The following TMEFF1 variants were observed in gnomAD, a reference collection of about 807,000 sequenced individuals.
TMEFF1 encodes the protein tomoregulin-1.
A neutral mutation model predicts 47.5 loss-of-function variants in TMEFF1; 20 were observed. The ratio of observed to expected loss-of-function variants is 0.42; its 90% CI spans 0.30 to 0.61. The LOEUF (loss-of-function observed/expected upper bound fraction) is 0.61. TMEFF1 is among the 20% of genes least tolerant of loss of function. The probability of loss-of-function intolerance (pLI) is 0.19; values close to 1 mark genes in which losing one functional copy is unlikely to be tolerated. For missense variants in TMEFF1, 411 were observed against 471.1 expected (o/e 0.87, Z 1.18); for synonymous variants, 162 against 166.3 (o/e 0.97, Z 0.20).
rs879060150 is a variant in TMEFF1 at position 100,572,645 on chromosome 9, A to G, written c.1027A>G (p.Ile343Val). The change falls in exon 9 of 10, where the codon ATC (isoleucine) becomes GTC (valine). Residue 343 changes from isoleucine (I) to valine (V), a missense_variant. By Grantham distance (29) the Ile-to-Val change is conservative (BLOSUM62 3). Coordinates refer to ENST00000374879, the MANE Select transcript of TMEFF1 (RefSeq NM_003692.5). ...AAIIGAVQIA[I>V]IVAIVMCITR... ...AATTATTGGAGCTGTACAGATTGCC[A>G]TCATAGTAGCAATTGTAATGTGCAT... 6.2e-7 allele frequency: 1 copy of G among 1,611,816 alleles called. No individual in the cohort carries two copies. The highest frequency in any genetic ancestry group is 1.1e-5 in the South Asian group (1 of 90,400).
chr9:100,553,740 A>T (rs539852036), intron 7 of TMEFF1, among the ~76,000 whole-genome samples: 1 of 152,228 alleles, frequency 6.6e-6, no homozygotes, highest in African/African-American at 2.4e-5. Context: ...ACAGAATAGT[A>T]TAATAAACCT....
chr9:100,576,408 C>A (rs373468013), intron 9 of TMEFF1, 108 bp from the exon 10 acceptor site: 1 of 1,367,854 alleles, frequency 7.3e-7, no homozygotes, highest in African/African-American at 1.5e-5. Context: ...TAATTGCTTG[C>A]AATGTGGCTT....
intron 8 of TMEFF1, among the ~76,000 whole-genome samples, chr9:100,567,051 A>G (rs1400254212): frequency 2.6e-5 from 4 of 152,142 alleles, no homozygotes; most frequent in Admixed American, 6.5e-5. Flanking sequence ...GTCAGTTCGT[A>G]TCATTCCTCT....
chr9:100,514,467 C>T (rs79858940), intron 4 of TMEFF1, among the ~76,000 whole-genome samples: 1 of 152,072 alleles, frequency 6.6e-6, no homozygotes, highest in African/African-American at 2.4e-5. Flanking sequence ...TGTAGTCTAG[C>T]CCCTGTGGTC....
chr9:100,555,193 A>G lies in TMEFF1; in HGVS notation c.775+5033A>G, dbSNP rs894929032. Among the ~76,000 whole-genome samples, 253 of 151,342 alleles carry G rather than the reference A, an allele frequency of 1.7e-3. 3 individuals are homozygous for G. The East Asian group carries it at 0.041, about 24-fold the overall frequency. On this transcript the variant is annotated intron_variant, in intron 7 of 9. Coordinates refer to ENST00000374879, the MANE Select transcript of TMEFF1 (RefSeq NM_003692.5). Reference sequence around the variant, plus strand: ...CACACACACACACACACACACACACACGCACACACATTGTTGCAGTTGCAA... The same window carrying G: ...CACACACACACACACACACACACACGCGCACACACATTGTTGCAGTTGCAA...
intron 1 of TMEFF1, among the ~76,000 whole-genome samples, chr9:100,491,159 A>C (rs558246917): frequency 6.6e-6 from 1 of 152,064 alleles, no homozygotes; most frequent in Admixed American, 6.5e-5. Flanking sequence ...CTGGTGTGCA[A>C]TATTTCAAAT....
intron 1 of TMEFF1, among the ~76,000 whole-genome samples, chr9:100,485,054 A>G (rs1837423648): frequency 6.6e-6 from 1 of 152,176 alleles, no homozygotes; most frequent in African/African-American, 2.4e-5. Context: ...ATGACCTTTT[A>G]TAATTGGCTT....
At chr9:100,544,804 A>T (rs1190332241) in intron 5 of TMEFF1, among the ~76,000 whole-genome samples, 1 of 152,292 alleles carries the variant, frequency 6.6e-6, no homozygotes, top group Non-Finnish European at 1.5e-5. Flanking sequence ...GAGTACAGGC[A>T]TTGGGTAAGT....
At chr9:100,544,587 A>G (rs900434614) in intron 5 of TMEFF1, among the ~76,000 whole-genome samples, 2 of 152,198 alleles carry the variant, frequency 1.3e-5, no homozygotes, top group Non-Finnish European at 1.5e-5. Flanking sequence ...GCCAAACCAT[A>G]TCATTCCCCT....
chr9:100,541,990 C>G (rs993012323), intron 5 of TMEFF1, among the ~76,000 whole-genome samples: 1 of 152,080 alleles, frequency 6.6e-6, no homozygotes, highest in Non-Finnish European at 1.5e-5. Flanking sequence ...TTTTATCCAG[C>G]CAACTACCTT....
chr9:100,527,179 G>A (rs1838277551), intron 5 of TMEFF1, among the ~76,000 whole-genome samples: 1 of 151,776 alleles, frequency 6.6e-6, no homozygotes. Flanking sequence ...TTGAAAGATT[G>A]GAATGGATGT....
chr9:100,480,015 A>G (rs1022369745), intron 1 of TMEFF1, among the ~76,000 whole-genome samples: 1 of 152,182 alleles, frequency 6.6e-6, no homozygotes, highest in East Asian at 1.9e-4. Flanking sequence ...TTTCTCCAGC[A>G]TCTTCTCCAA....
intron 9 of TMEFF1, among the ~76,000 whole-genome samples, chr9:100,576,312 TC>T (rs1487208708): frequency 1.3e-5 from 2 of 152,156 alleles, no homozygotes; most frequent in Non-Finnish European, 2.9e-5. Flanking sequence ...CCTCTCAACT[TC>T]CAGGTTTGTA....
chr9:100,473,506 G>T lies in TMEFF1; in HGVS notation c.-39G>T. On this transcript the variant is annotated 5_prime_UTR_variant, in exon 1 of 10. Coordinates refer to ENST00000374879, the MANE Select transcript of TMEFF1 (RefSeq NM_003692.5). This position sits in a 1 kb window ranked among gnomAD's most constrained non-coding sequence, Gnocchi z 5.4. ...GCGCGCGGCTGGATGCCCCCGGCCT[G>T]CGGCTCCCTGCGCTTCCCGCCGTCC... 1 of 1,352,152 alleles carries T rather than the reference G, an allele frequency of 7.4e-7. No homozygotes were observed. The highest frequency in any genetic ancestry group is 9.5e-7 in the Non-Finnish European group (1 of 1,055,716). 83.8% of individuals were successfully genotyped at this position (1,352,152 alleles called of 1,614,324 possible).
intron 8 of TMEFF1, among the ~76,000 whole-genome samples, chr9:100,566,339 T>G (rs543914885): frequency 6.6e-6 from 1 of 152,302 alleles, no homozygotes; most frequent in South Asian, 2.1e-4. Context: ...ATATGCCTCC[T>G]TTACATTTCC....
At chr9:100,548,107 TTTAG>T (rs1363184146) in intron 6 of TMEFF1, among the ~76,000 whole-genome samples, 7 of 152,122 alleles carry the variant, frequency 4.6e-5, no homozygotes, top group Admixed American at 2.6e-4. Context: ...TGGTTTTTTA[TTTAG>T]TTAGTTCTTG....
chr9:100,482,198 T>C (rs1321413627), intron 1 of TMEFF1, among the ~76,000 whole-genome samples: 2 of 151,620 alleles, frequency 1.3e-5, no homozygotes, highest in Non-Finnish European at 1.5e-5. Flanking sequence ...TTTCTTTCTT[T>C]CTTTTCTTTT....
chr9:100,545,447 G>C (rs1838715634), intron 5 of TMEFF1, among the ~76,000 whole-genome samples: 1 of 152,172 alleles, frequency 6.6e-6, no homozygotes, highest in African/African-American at 2.4e-5. Context: ...GAGCAGCTGA[G>C]ATGCAGGGCA....
At chr9:100,567,052 T>C (rs1839139105) in intron 8 of TMEFF1, among the ~76,000 whole-genome samples, 1 of 152,176 alleles carries the variant, frequency 6.6e-6, no homozygotes, top group South Asian at 2.1e-4. Flanking sequence ...TCAGTTCGTA[T>C]CATTCCTCTG....
Sources: allele counts gnomAD v4.1 joint callset (sites outside exome capture counted in the v4.1 genomes callset), GRCh38; gene constraint gnomAD v4.1.1; non-coding constraint Gnocchi (gnomAD v3.1); transcripts MANE v1.5; gene names NCBI Gene and HGNC (gene_info 2026-07-23, HGNC 2026-07-21).